Variants in GCC2 observed in about 807,000 individuals in gnomAD.
GCC2 encodes the protein GRIP and coiled-coil domain containing 2.
A neutral mutation model predicts 210.6 loss-of-function variants in GCC2; 120 were observed. The ratio of observed to expected loss-of-function variants is 0.57; its 90% confidence interval spans 0.49 to 0.66. GCC2 has a LOEUF of 0.66. Among genes scored for constraint, GCC2 ranks in the 30% least tolerant of loss-of-function variants. GCC2 has a pLI of 0.00. For missense variants in GCC2, 1,868 were observed against 1,871.9 expected (o/e 1.00, Z 0.04); for synonymous variants, 703 against 652.7 (o/e 1.08, Z -1.17).
At position 108,508,111 on chromosome 2, in the gene GCC2, A is replaced by G. The variant is rs573533045; in HGVS notation, c.*481A>G. On this transcript the variant is annotated 3_prime_UTR_variant, in exon 23 of 23. Coordinates refer to ENST00000309863, the MANE Select transcript of GCC2 (RefSeq NM_181453.4). ...GCTAGTGAGCTGTGACTCCCACTGC[A>G]CTCCAGCTCGGGGAACAGAGCGAGA... The G allele has an allele frequency of 7.1e-6, 1 of 140,858 alleles. No individual in the cohort carries two copies. Among genetic ancestry groups the G allele is most frequent in the East Asian group, 2.9e-4 (1 of 3,464 alleles). The allele number at this position is 140,858 out of a possible 1,614,324, so 8.7% of individuals were successfully genotyped here. A position where few individuals can be genotyped will look rare whatever the true frequency, so the allele number is the denominator to read the frequency against.
chr2:108,466,619 CCCA>C (rs1680905496), intron 4 of GCC2, among the ~76,000 whole-genome samples: 1 of 151,618 alleles, frequency 6.6e-6, no homozygotes, highest in Middle Eastern at 3.2e-3. Context: ...AGTACAGGCG[CCCA>C]CCACCACACC....
intron 16 of GCC2, 67 bp downstream of exon 16, chr2:108,486,715 C>G: frequency 6.9e-7 from 1 of 1,447,740 alleles, no homozygotes; most frequent in Non-Finnish European, 9.5e-7. Flanking sequence ...TTGGTTTACT[C>G]CAGGGCTGTG....
chr2:108,464,105 G>A (rs1484523805), intron 4 of GCC2, among the ~76,000 whole-genome samples: 1 of 152,076 alleles, frequency 6.6e-6, no homozygotes, highest in African/African-American at 2.4e-5. Context: ...GGTGGGGTGA[G>A]TGTCCCAGGC....
intron 4 of GCC2, among the ~76,000 whole-genome samples, chr2:108,454,018 T>C (rs1213403383): frequency 6.6e-6 from 1 of 152,078 alleles, no homozygotes; most frequent in Non-Finnish European, 1.5e-5. Flanking sequence ...TGAGACAGAG[T>C]CTCGCCTTGT....
chr2:108,491,490 C>A (rs1260042116), intron 18 of GCC2, among the ~76,000 whole-genome samples: 2 of 152,146 alleles, frequency 1.3e-5, no homozygotes, highest in South Asian at 2.1e-4. Context: ...ATTAAGATTT[C>A]TTTTCTGAAA....
intron 20 of GCC2, chr2:108,496,271 G>T (rs1342683376): frequency 6.6e-6 from 1 of 151,712 alleles, no homozygotes; most frequent in Admixed American, 6.6e-5. Context: ...GTGATGTTTT[G>T]GTATATTTTA....
chr2:108,470,473 G>T lies in GCC2; in HGVS notation c.1144G>T (p.Asp382Tyr), dbSNP rs1681137095. 1 of 1,608,514 alleles carries T rather than the reference G, an allele frequency of 6.2e-7. No individual in the cohort carries two copies. Among genetic ancestry groups the T allele is most frequent in the African/African-American group, 1.3e-5 (1 of 74,756 alleles). Residue 382 changes from aspartate to tyrosine, a missense_variant, in exon 6 of 23, where the codon GAC (aspartate) becomes TAC (tyrosine). Asp to Tyr is a radical substitution (Grantham distance 160, BLOSUM62 -3). Around this residue, in one of 3 missense-constraint regions of GCC2, gnomAD observed 1,847 missense variants for 1,765.2 expected, o/e 1.05. Coordinates refer to ENST00000309863, the MANE Select transcript of GCC2 (RefSeq NM_181453.4). ...IKDEFFHEREDLEFKINELLL... is the reference protein window; with the variant it reads ...IKDEFFHEREYLEFKINELLL... ...GGATGAGTTTTTTCATGAACGGGAA[G>T]ACTTAGAGTTTAAAATTAATGAATT...
At chr2:108,466,679 A>G (rs1033679359) in intron 4 of GCC2, among the ~76,000 whole-genome samples, 3 of 150,434 alleles carry the variant, frequency 2.0e-5, no homozygotes, top group Non-Finnish European at 4.4e-5. Context: ...TCACTATGTT[A>G]GCCAGGATGG....
In GCC2 at chr2:108,481,772, C is replaced by A; in HGVS notation, c.3136C>A (p.Arg1046Ser). The change falls in exon 10 of 23, where the codon CGT (arginine) becomes AGT (serine). Residue 1046 changes from arginine (R) to serine (S), a missense_variant. This residue lies in a region of GCC2 where 1,847 missense variants were observed against 1,765.2 expected (regional missense o/e 1.05). Coordinates refer to ENST00000309863, the MANE Select transcript of GCC2 (RefSeq NM_181453.4). Reference protein sequence around the residue: ...EKERANNFEHRIEDLTRQLRN... With the variant: ...EKERANNFEHSIEDLTRQLRN... ...AGAACGTGCTAATAATTTTGAGCAT[C>A]GTATTGAAGACCTTACAAGACAATT... is the stretch of plus-strand genomic sequence containing the variant. 1 of 1,602,628 alleles carries A rather than the reference C, an allele frequency of 6.2e-7. No homozygotes were observed. The highest frequency in any genetic ancestry group is 8.5e-7 in the Non-Finnish European group (1 of 1,173,422).
rs529050333 is a variant in GCC2 at position 108,507,758 on chromosome 2, A to G, written c.*128A>G. 1.1e-4 allele frequency: 72 copies of G among 666,256 alleles called. No individual in the cohort carries two copies. The highest frequency in any genetic ancestry group is 6.7e-4 in the Admixed American group (23 of 34,134). The allele number at this position is 666,256 out of a possible 1,614,324, so 41.3% of individuals were successfully genotyped here. On this transcript the variant is annotated 3_prime_UTR_variant, in exon 23 of 23. Transcript: ENST00000309863. The stretch of plus-strand genomic sequence containing the variant: ...TGCATCTACATATATTTGTACATCT[A>G]TATGACAGATGTATTTTAAAAGTTT...
At position 108,492,674 on chromosome 2, in the gene GCC2, G is replaced by A. The variant is rs139394961; in HGVS notation, c.4331G>A (p.Arg1444Gln). 10 of 1,613,706 alleles carry A rather than the reference G, an allele frequency of 6.2e-6. No individual in the cohort carries two copies. The highest frequency in any genetic ancestry group is 1.3e-5 in the African/African-American group (1 of 74,916). ...SQNEVLRNSF[R>Q]DQVRHLQEEH... ...AACGAGGTCCTTCGAAATAGCTTCC[G>A]AGATCAAGTGCGACATTTGCAGGAA... The change falls in exon 19 of 23, where the codon CGA becomes CAA. Residue 1444 changes from arginine to glutamine, a missense_variant. This residue lies in a region of GCC2 where 1,847 missense variants were observed against 1,765.2 expected (regional missense o/e 1.05). Coordinates refer to ENST00000309863, the MANE Select transcript of GCC2 (RefSeq NM_181453.4).
intron 3 of GCC2, 122 bp downstream of exon 3, chr2:108,451,234 A>AG: frequency 1.7e-6 from 1 of 579,630 alleles, no homozygotes; most frequent in Non-Finnish European, 3.0e-6. Flanking sequence ...AGTACACCTT[A>AG]GTGTAGTAGA....
At chr2:108,501,202 G>A (rs1229142503) in intron 22 of GCC2, among the ~76,000 whole-genome samples, 1 of 151,950 alleles carries the variant, frequency 6.6e-6, no homozygotes, top group Non-Finnish European at 1.5e-5. Flanking sequence ...GGCCAGGATG[G>A]TCTCAATCTC....
In GCC2 at chr2:108,475,801, A is replaced by G; in HGVS notation, c.3011A>G (p.Gln1004Arg). 1.9e-6 allele frequency: 3 copies of G among 1,606,426 alleles called. No individual in the cohort carries two copies. Among genetic ancestry groups the G allele is most frequent in the African/African-American group, 1.3e-5 (1 of 74,646 alleles). The change falls in exon 9 of 23, where the codon CAG (glutamine) becomes CGG (arginine). Residue 1004 changes from glutamine to arginine, a missense_variant. Physicochemically the swap from Gln to Arg is conservative, Grantham distance 43 (BLOSUM62 1). Around this residue, in one of 3 missense-constraint regions of GCC2, gnomAD observed 1,847 missense variants for 1,765.2 expected, o/e 1.05. Coordinates refer to ENST00000309863, the MANE Select transcript of GCC2 (RefSeq NM_181453.4). ...GAATCTCTTCGATCAGAAAAGGACC[A>G]GTTATCTGCTTCCATGAGAGATCTC... ...ELESLRSEKD[Q>R]LSASMRDLIQ...
chr2:108,449,976 GAA>G, intron 2 of GCC2: 1 of 363,330 alleles, frequency 2.8e-6, no homozygotes, highest in Non-Finnish European at 5.0e-6. Flanking sequence ...TGGTGTAGTG[GAA>G]GGAGCAGTGA....
intron 6 of GCC2, 76 bp downstream of exon 6, chr2:108,472,192 A>G (rs2104454638): frequency 2.9e-6 from 3 of 1,051,410 alleles, no homozygotes; most frequent in South Asian, 4.9e-5. Flanking sequence ...AAACATTTTT[A>G]CACCTTGACG....
chr2:108,482,559 A>C, intron 11 of GCC2, 108 bp downstream of exon 11: 1 of 583,264 alleles, frequency 1.7e-6, no homozygotes, highest in Non-Finnish European at 3.0e-6. Context: ...AATACAGCAG[A>C]GTTCATTAAT....
Position 108,482,385 on chromosome 2 carries a change from G to A in GCC2, c.3279G>A (p.Gln1093=), listed in dbSNP as rs1333849411. 1 of 1,587,140 alleles carries A rather than the reference G, an allele frequency of 6.3e-7. No homozygotes were observed. Among genetic ancestry groups the A allele is most frequent in the Non-Finnish European group, 8.7e-7 (1 of 1,155,872 alleles). The part of the protein sequence containing the change: ...KLLEVQILEV[Q]RAKAMVDKEL... ...TAGAAGTACAGATTTTAGAAGTCCA[G>A]AGAGCCAAAGCAATGGTAGACAAAG... The change falls in exon 11 of 23, where the codon CAG becomes CAA. Residue 1093 remains glutamine, a synonymous_variant. Transcript: ENST00000309863.
chr2:108,449,248 T>G lies in GCC2; in HGVS notation c.-27T>G, dbSNP rs887917053. The G allele has an allele frequency of 1.3e-6, 2 of 1,548,572 alleles. No individual in the cohort carries two copies. The highest frequency in any genetic ancestry group is 2.4e-5 in the South Asian group (2 of 83,916). ...GAAGTGCAGCGGTGGCGGCGGCTGG[T>G]TGCGGGCCGGCGGCGGGCTGGCGGA... On this transcript the variant is annotated 5_prime_UTR_variant, in exon 1 of 23. Coordinates refer to ENST00000309863, the MANE Select transcript of GCC2 (RefSeq NM_181453.4).
Sources: gnomAD v4.1 joint callset for allele counts (sites outside exome capture counted in the v4.1 genomes callset) on GRCh38, gnomAD v4.1.1 for gene constraint, gnomAD v4.1.1 regional missense constraint, MANE v1.5 for transcripts, NCBI Gene and HGNC (gene_info 2026-07-23, HGNC 2026-07-21) for gene names.